Variants in COL17A1 observed in about 807,000 individuals in gnomAD.
COL17A1 encodes collagen alpha-1(XVII) chain.
Under a neutral mutation model 218.4 loss-of-function variants are expected in COL17A1, and 181 were observed. That is an observed-to-expected ratio of 0.83 (90% CI 0.73 to 0.94). COL17A1 has a LOEUF of 0.94. Among genes scored for constraint, COL17A1 ranks in the 40% least tolerant of loss-of-function variants. The pLI, the probability that COL17A1 is intolerant of heterozygous loss-of-function variation, is 0.00. For missense variants in COL17A1, 1,924 were observed against 1,945.9 expected (o/e 0.99, Z 0.21); for synonymous variants, 721 against 731.0 (o/e 0.99, Z 0.22).
In COL17A1 at chr10:104,077,806, G is replaced by A. The variant is rs369437233; in HGVS notation, c.98-280C>T. Among the ~76,000 whole-genome samples, 5 of 152,346 alleles carry A rather than the reference G, an allele frequency of 3.3e-5. No individual in the cohort carries two copies. The East Asian group carries it at 7.7e-4, about 24-fold the overall frequency. ...AAGTCTCCTGGGTGGAATATAGCAA[G>A]TTGCATATTAGGAAATTTTAAATAG... On this transcript the variant is annotated intron_variant, in intron 3 of 55. Transcript: ENST00000648076.
intron 15 of COL17A1, 68 bp downstream of exon 15, chr10:104,059,570 C>G: frequency 6.9e-7 from 1 of 1,447,940 alleles, no homozygotes; most frequent in Non-Finnish European, 9.7e-7. Flanking sequence ...AGCAAGGTCT[C>G]CGAAGACAAT....
At chr10:104,069,234 C>G (rs2086650819) in intron 9 of COL17A1, among the ~76,000 whole-genome samples, 2 of 152,192 alleles carry the variant, frequency 1.3e-5, no homozygotes, top group Admixed American at 6.5e-5. Flanking sequence ...GGTAAACCAC[C>G]TCTCCGGCTG....
chr10:104,058,426 A>G (rs1377992126), intron 15 of COL17A1, among the ~76,000 whole-genome samples: 1 of 152,196 alleles, frequency 6.6e-6, no homozygotes, highest in African/African-American at 2.4e-5. Flanking sequence ...TAATTCTCTT[A>G]TGACCTTAAA....
At chr10:104,049,295 A>T in intron 29 of COL17A1, 114 bp downstream of exon 29, 1 of 930,282 alleles carries the variant, frequency 1.1e-6, no homozygotes, top group Non-Finnish European at 1.8e-6. Context: ...AGACTCTACC[A>T]GGAGTGGGCA....
chr10:104,045,300 A>G (rs1205943470), intron 33 of COL17A1, among the ~76,000 whole-genome samples: 1 of 152,190 alleles, frequency 6.6e-6, no homozygotes, highest in East Asian at 1.9e-4. Context: ...CCTCTCAGGA[A>G]GGGTCTGATG....
At chr10:104,062,072 C>T (rs563250841) in intron 12 of COL17A1, among the ~76,000 whole-genome samples, 186 bp downstream of exon 12, 1 of 152,142 alleles carries the variant, frequency 6.6e-6, no homozygotes, top group Admixed American at 6.5e-5. Context: ...GACAGGACAG[C>T]CTTCCCTGTG....
At chr10:104,051,456 T>C (rs1423714275) in intron 25 of COL17A1, 25 bp downstream of exon 25, 1 of 1,613,946 alleles carries the variant, frequency 6.2e-7, no homozygotes, top group Non-Finnish European at 8.5e-7. Context: ...AAACAGAACC[T>C]ATTTACAAGA....
At position 104,035,987 on chromosome 10, in the gene COL17A1, CGT is replaced by C. The variant is rs915421428; in HGVS notation, c.3419-426_3419-425del. ...GTATGGGAGTGTGTTTATGGGAATG[CGT>C]GTGTGTATGCATATGTGAGTGTGTA... is the stretch of plus-strand genomic sequence containing the variant. On this transcript the variant is annotated intron_variant, in intron 48 of 55. Transcript: ENST00000648076. 8.8e-5 allele frequency among the ~76,000 whole-genome samples: 9 copies of C among 102,388 alleles called. No individual in the cohort carries two copies. The East Asian group carries it at 1.3e-3, about 15-fold the overall frequency. 67.2% of individuals were successfully genotyped at this position (102,388 alleles called of 152,430 possible).
At chr10:104,050,276 G>T in intron 27 of COL17A1, 152 bp from the exon 28 acceptor site, 1 of 1,205,886 alleles carries the variant, frequency 8.3e-7, no homozygotes, top group Non-Finnish European at 1.2e-6. Flanking sequence ...CATTAATGCA[G>T]CCAAAGGAGC....
At chr10:104,046,193 T>C (rs918387000) in intron 32 of COL17A1, among the ~76,000 whole-genome samples, 5 of 152,212 alleles carry the variant, frequency 3.3e-5, no homozygotes, top group Non-Finnish European at 5.9e-5. Flanking sequence ...TGTAAGAGCA[T>C]TGGAAGCATG....
Position 104,032,149 on chromosome 10 carries a change from TC to T in COL17A1, c.*85del. 2 of 1,074,468 alleles carry T rather than the reference TC, an allele frequency of 1.9e-6. No homozygotes were observed. The highest frequency in any genetic ancestry group is 2.9e-6 in the Non-Finnish European group (2 of 694,170). 66.6% of individuals were successfully genotyped at this position (1,074,468 alleles called of 1,614,324 possible). A position where few individuals can be genotyped will look rare whatever the true frequency, so the allele number is the denominator to read the frequency against. On this transcript the variant is annotated 3_prime_UTR_variant, in exon 56 of 56. Transcript: ENST00000648076. ...CTGTCTCAGTAGGACATTGACAGAC[TC>T]CAGCTTTCACCCTCTGGAGACCTTG...
intron 48 of COL17A1, 54 bp downstream of exon 48, chr10:104,036,438 C>T: frequency 6.2e-7 from 1 of 1,611,654 alleles, no homozygotes; most frequent in Non-Finnish European, 8.5e-7. Flanking sequence ...CGCTGCGAGT[C>T]CTCATCCCAG....
intron 38 of COL17A1, 55 bp from the exon 39 acceptor site, chr10:104,041,173 T>C (rs1240194917): frequency 6.2e-7 from 1 of 1,608,942 alleles, no homozygotes; most frequent in Non-Finnish European, 8.5e-7. Flanking sequence ...CCAGGAACCC[T>C]CTGCTCAGGA....
intron 29 of COL17A1, 187 bp from the exon 30 acceptor site, chr10:104,048,291 C>A: frequency 1.3e-6 from 1 of 759,010 alleles, no homozygotes; most frequent in Admixed American, 1.7e-5. Flanking sequence ...CCTAAACCAG[C>A]AATTGTCTCT....
chr10:104,045,772 C>T lies in COL17A1; in HGVS notation c.2384G>A (p.Arg795Gln), dbSNP rs187326973. 3.1e-4 allele frequency: 493 copies of T among 1,612,520 alleles called. 1 individual carries two copies. The highest frequency in any genetic ancestry group is 2.6e-4 in the Non-Finnish European group (304 of 1,178,488). Residue 795 changes from arginine (R) to glutamine (Q), a missense_variant, in exon 33 of 56, where the codon CGA (arginine) becomes CAA (glutamine). By Grantham distance (43) the Arg-to-Gln change is conservative. Coordinates refer to ENST00000648076, the MANE Select transcript of COL17A1 (RefSeq NM_000494.4). ...AATTCACTTACCTTTTATTCCTGGT[C>T]GGCCAGGGGTACCGGGAAGTCCTGA... The part of the protein sequence containing the change: ...GPQGLPGTPG[R>Q]PGIKGEPGAP...
intron 24 of COL17A1, 125 bp from the exon 25 acceptor site, chr10:104,051,641 G>T (rs1229785219): frequency 8.2e-7 from 1 of 1,223,952 alleles, no homozygotes; most frequent in Non-Finnish European, 1.2e-6. Context: ...TGAGTGTATT[G>T]CAGGCCAGGG....
intron 2 of COL17A1, among the ~76,000 whole-genome samples, chr10:104,078,842 A>G (rs2086734998): frequency 6.6e-6 from 1 of 152,216 alleles, no homozygotes; most frequent in African/African-American, 2.4e-5. Context: ...CGTTTGAAAC[A>G]TGAGTTGTTT....
At chr10:104,040,788 G>A (rs1240185653) in intron 39 of COL17A1, among the ~76,000 whole-genome samples, 6 of 152,156 alleles carry the variant, frequency 3.9e-5, no homozygotes, top group African/African-American at 1.4e-4. Flanking sequence ...TCAGACCTGG[G>A]CTCCCCAAGG....
In COL17A1 at chr10:104,049,489, C is replaced by T. The variant is rs370671149; in HGVS notation, c.2165-18G>A. 4.3e-6 allele frequency: 7 copies of T among 1,613,986 alleles called. No homozygotes were observed. The Middle Eastern group carries it at 4.9e-4, about 114-fold the overall frequency. On this transcript the variant is annotated intron_variant, in intron 28 of 55. Transcript: ENST00000648076. ...AGGCTCGCCTGCAAAGGACAAAGAA[C>T]TAGCTGGTTGGACACTTGCAAGCTG...
Sources: gnomAD v4.1 joint callset for allele counts (sites outside exome capture counted in the v4.1 genomes callset) on GRCh38, gnomAD v4.1.1 for gene constraint, MANE v1.5 for transcripts, NCBI Gene and HGNC (gene_info 2026-07-23, HGNC 2026-07-21) for gene names.